The following CCDC148 variants were observed in gnomAD, a reference collection of about 807,000 sequenced individuals.
CCDC148 encodes coiled-coil domain containing 148.
A neutral mutation model predicts 85.7 loss-of-function variants in CCDC148; 89 were observed. The observed-to-expected ratio is 1.04, with a 90% CI of 0.87 to 1.24. The LOEUF is 1.24. Ranked by LOEUF, CCDC148 falls within the 50% of genes most tolerant of loss-of-function variation. The pLI is 0.00. For missense variants in CCDC148, 692 were observed against 671.7 expected, an observed-to-expected ratio of 1.03 and a Z score of -0.33; for synonymous variants, 230 against 213.9, an observed-to-expected ratio of 1.08 and a Z score of -0.66.
Position 158,345,325 on chromosome 2 carries a change from TTA to T in CCDC148, c.148-9_148-8del. ...TCAACATTGCTTTTCTGATCTAGAT[TTA>T]GAGGAACAAAAGAGGAGCAACTTCA... On this transcript the variant is annotated splice_region_variant and splice_polypyrimidine_tract_variant and intron_variant, in intron 2 of 13. Coordinates refer to ENST00000283233, the MANE Select transcript of CCDC148 (RefSeq NM_138803.4). 6.3e-7 allele frequency: 1 copy of T among 1,599,900 alleles called. No individual in the cohort carries two copies.
intron 11 of CCDC148, among the ~76,000 whole-genome samples, chr2:158,197,817 C>T (rs963588927): frequency 1.3e-5 from 2 of 151,988 alleles, no homozygotes; most frequent in East Asian, 3.8e-4. Context: ...TGCTAAATCT[C>T]TGGGTATATA....
chr2:158,353,648 G>A (rs1445399835), intron 2 of CCDC148, among the ~76,000 whole-genome samples: 1 of 152,092 alleles, frequency 6.6e-6, no homozygotes, highest in African/African-American at 2.4e-5. Context: ...ACACCCCACT[G>A]TCAACATTAG....
chr2:158,208,679 T>G (rs1237615973), intron 11 of CCDC148, among the ~76,000 whole-genome samples: 1 of 151,954 alleles, frequency 6.6e-6, no homozygotes, highest in African/African-American at 2.4e-5. Context: ...CCGAAGGGAG[T>G]TGGGTTCCAA....
At chr2:158,300,054 A>G (rs1389534841) in intron 9 of CCDC148, among the ~76,000 whole-genome samples, 1 of 152,132 alleles carries the variant, frequency 6.6e-6, no homozygotes, top group East Asian at 1.9e-4. Flanking sequence ...ATATACCTCA[A>G]TTTTATGGGT....
At chr2:158,338,237 T>C (rs1682488574) in intron 7 of CCDC148, among the ~76,000 whole-genome samples, 2 of 152,292 alleles carry the variant, frequency 1.3e-5, no homozygotes, top group South Asian at 4.1e-4. Context: ...ATAATCATTC[T>C]TGGGAGAAAA....
At chr2:158,251,275 A>G (rs1688783178) in intron 9 of CCDC148, among the ~76,000 whole-genome samples, 1 of 151,804 alleles carries the variant, frequency 6.6e-6, no homozygotes, top group African/African-American at 2.4e-5. Context: ...AAAATTCTCA[A>G]ATAATCCTAA....
chr2:158,407,475 G>C (rs1233755851), intron 1 of CCDC148, among the ~76,000 whole-genome samples: 1 of 152,050 alleles, frequency 6.6e-6, no homozygotes, highest in East Asian at 1.9e-4. Flanking sequence ...TCCAAAACTG[G>C]AGTTGTATCA....
chr2:158,271,634 TA>T lies in CCDC148; in HGVS notation c.1111-20723del, dbSNP rs532838920. On this transcript the variant is annotated intron_variant, in intron 9 of 13. Transcript: ENST00000283233. ...TAACTTGTATTGCAATATGTTGCTA[TA>T]ATTGTCTTATTATTATTCTTGTTCA... Among the ~76,000 whole-genome samples, 538 of 152,322 alleles carry T rather than the reference TA, an allele frequency of 3.5e-3. 4 individuals carry two copies. The highest frequency in any genetic ancestry group is 0.012 in the African/African-American group (502 of 41,576).
At chr2:158,269,595 A>G (rs976548275) in intron 9 of CCDC148, among the ~76,000 whole-genome samples, 1 of 152,194 alleles carries the variant, frequency 6.6e-6, no homozygotes, top group Non-Finnish European at 1.5e-5. Context: ...TGATGAGTAC[A>G]TGTTTCTCTC....
At position 158,360,402 on chromosome 2, in the gene CCDC148, A is replaced by G. The variant is rs117224092; in HGVS notation, c.26-1832T>C. On this transcript the variant is annotated intron_variant, in intron 1 of 13. Transcript: ENST00000283233. ...GAGACACCTCCCAGCAGGGGCAGACAGACATCTCATACAGGAGAGCTCCAG... is the reference window on the plus strand; with the variant it reads ...GAGACACCTCCCAGCAGGGGCAGACGGACATCTCATACAGGAGAGCTCCAG... Among the ~76,000 whole-genome samples, 359 of 152,288 alleles carry G rather than the reference A, an allele frequency of 2.4e-3. 6 individuals are homozygous for G. The East Asian group carries it at 0.044, about 19-fold the overall frequency.
At chr2:158,323,920 T>TA (rs1692638122) in intron 7 of CCDC148, among the ~76,000 whole-genome samples, 1 of 38,364 alleles carries the variant, frequency 2.6e-5, no homozygotes, top group Non-Finnish European at 5.4e-5. Flanking sequence ...TGGGAATAAC[T>TA]TTTTTTTTTT....
At chr2:158,420,415 A>T in intron 1 of CCDC148, among the ~76,000 whole-genome samples, 1 of 152,214 alleles carries the variant, frequency 6.6e-6, no homozygotes, top group Non-Finnish European at 1.5e-5. Flanking sequence ...AAGCCAGAAG[A>T]GAGTGGGGGC....
chr2:158,395,203 G>T (rs2105300505), intron 1 of CCDC148, among the ~76,000 whole-genome samples: 1 of 152,152 alleles, frequency 6.6e-6, no homozygotes, highest in Non-Finnish European at 1.5e-5. Context: ...CTAGGCAAAA[G>T]GTAACATAAT....
chr2:158,227,913 C>T (rs942538126), intron 10 of CCDC148, among the ~76,000 whole-genome samples: 88 of 151,742 alleles, frequency 5.8e-4, no homozygotes, highest in Non-Finnish European at 1.2e-3. Context: ...ACTTCATGTC[C>T]AAAACACCAA....
chr2:158,242,722 T>G, intron 10 of CCDC148, among the ~76,000 whole-genome samples: 1 of 151,002 alleles, frequency 6.6e-6, no homozygotes, highest in Non-Finnish European at 1.5e-5. Context: ...AATACCTCCA[T>G]ATCTAGGAAC....
intron 11 of CCDC148, among the ~76,000 whole-genome samples, chr2:158,210,029 G>A (rs4624337): frequency 0.072 from 10,885 of 152,164 alleles, 577 homozygotes; most frequent in African/African-American, 0.15. Context: ...ATTGGATAAA[G>A]AGTCACGACC....
intron 11 of CCDC148, among the ~76,000 whole-genome samples, chr2:158,209,323 T>C (rs1686428069): frequency 6.6e-6 from 1 of 152,202 alleles, no homozygotes; most frequent in Non-Finnish European, 1.5e-5. Flanking sequence ...GCCCTGCAGC[T>C]TTATAAAATC....
At chr2:158,184,470 T>A (rs2105266718) in intron 11 of CCDC148, among the ~76,000 whole-genome samples, 1 of 152,304 alleles carries the variant, frequency 6.6e-6, no homozygotes, top group Non-Finnish European at 1.5e-5. Flanking sequence ...CTGTTGAGTT[T>A]ACATAATTTG....
At chr2:158,172,684 A>T (rs2105254494) in intron 13 of CCDC148, among the ~76,000 whole-genome samples, 1 of 152,210 alleles carries the variant, frequency 6.6e-6, no homozygotes, top group Non-Finnish European at 1.5e-5. Flanking sequence ...AATTAAGTTT[A>T]AACACATGGC....
Sources: gnomAD v4.1 joint callset for allele counts (sites outside exome capture counted in the v4.1 genomes callset) on GRCh38, gnomAD v4.1.1 for gene constraint, MANE v1.5 for transcripts, NCBI Gene and HGNC (gene_info 2026-07-23, HGNC 2026-07-21) for gene names.